The following ZFAND3 variants were observed in gnomAD, a reference collection of about 807,000 sequenced individuals.
ZFAND3 encodes zinc finger AN1-type containing 3.
In ZFAND3, 10 loss-of-function variants were observed where a neutral mutation model predicts 29.6. The ratio of observed to expected loss-of-function variants is 0.34; its 90% CI spans 0.21 to 0.57. The LOEUF is 0.57. Among genes scored for constraint, ZFAND3 ranks in the 20% least tolerant of loss-of-function variants. The pLI, the probability that ZFAND3 is intolerant of heterozygous loss-of-function variation, is 0.86. For missense variants in ZFAND3, 230 were observed against 304.5 expected (o/e 0.76, Z 1.82); for synonymous variants, 128 against 112.6 (o/e 1.14, Z -0.87).
At chr6:38,108,340 A>G (rs1765247874) in intron 4 of ZFAND3, among the ~76,000 whole-genome samples, 1 of 152,192 alleles carries the variant, frequency 6.6e-6, no homozygotes, top group African/African-American at 2.4e-5. Context: ...TTTATTAGGG[A>G]GAATTGGCTC....
chr6:38,125,195 T>A (rs1765612232), intron 5 of ZFAND3, among the ~76,000 whole-genome samples: 1 of 152,220 alleles, frequency 6.6e-6, no homozygotes, highest in Non-Finnish European at 1.5e-5. Context: ...TACCTAAACA[T>A]AAGTATGCTA....
chr6:38,153,876 C>CT lies in ZFAND3; in HGVS notation c.*1488dup. 1 of 985,510 alleles carries CT rather than the reference C, an allele frequency of 1.0e-6. No homozygotes were observed. The highest frequency in any genetic ancestry group is 4.7e-5 in the South Asian group (1 of 21,290). 61.0% of individuals were successfully genotyped at this position (985,510 alleles called of 1,614,324 possible). A position where few individuals can be genotyped will look rare whatever the true frequency, so the allele number is the denominator to read the frequency against. ...CGTGGATCTGCCCACACATAGGCTA[C>CT]TGGAATAGTTTAACCCAGCAACTTT... is the stretch of plus-strand genomic sequence containing the variant. On this transcript the variant is annotated 3_prime_UTR_variant, in exon 6 of 6. Transcript: ENST00000287218.
chr6:37,875,678 C>G (rs1764779617), intron 1 of ZFAND3, among the ~76,000 whole-genome samples: 1 of 149,156 alleles, frequency 6.7e-6, no homozygotes, highest in African/African-American at 2.5e-5. Flanking sequence ...ATTGTGTTGT[C>G]AGGCTGGTCT....
At chr6:37,911,224 G>A (rs1027828551) in intron 1 of ZFAND3, among the ~76,000 whole-genome samples, 39 of 152,112 alleles carry the variant, frequency 2.6e-4, no homozygotes, top group Non-Finnish European at 7.4e-5. Context: ...TTTGGATCAT[G>A]GCCATCTAAC....
chr6:37,908,471 A>G (rs934984475), intron 1 of ZFAND3, among the ~76,000 whole-genome samples: 3 of 151,458 alleles, frequency 2.0e-5, no homozygotes, highest in Admixed American at 6.6e-5. Context: ...GTCATCTAGC[A>G]TTAGGTATAT....
At position 38,100,848 on chromosome 6, in the gene ZFAND3, C is replaced by T. The variant is rs188019793; in HGVS notation, c.362-15724C>T. Among the ~76,000 whole-genome samples, 933 of 152,312 alleles carry T rather than the reference C, an allele frequency of 6.1e-3. 6 individuals are homozygous for T. The highest frequency in any genetic ancestry group is 0.017 in the Middle Eastern group (5 of 294). ...TAACATTTTATCACATTGGCCTTAT[C>T]TCTCGCCCTCTTTGTGTCTGTCTGT... On this transcript the variant is annotated intron_variant, in intron 4 of 5. Transcript: ENST00000287218.
intron 2 of ZFAND3, among the ~76,000 whole-genome samples, chr6:37,943,949 A>G (rs1216211669): frequency 6.6e-6 from 1 of 152,210 alleles, no homozygotes; most frequent in African/African-American, 2.4e-5. Flanking sequence ...AGATGAGACT[A>G]GAAATAAATC....
At chr6:37,937,888 G>T (rs913906706) in intron 2 of ZFAND3, among the ~76,000 whole-genome samples, 1 of 152,164 alleles carries the variant, frequency 6.6e-6, no homozygotes, top group African/African-American at 2.4e-5. Context: ...TAACCATTAT[G>T]TGTCTGTTGG....
At chr6:37,886,423 A>C (rs186529256) in intron 1 of ZFAND3, among the ~76,000 whole-genome samples, 1 of 152,162 alleles carries the variant, frequency 6.6e-6, no homozygotes, top group Admixed American at 6.5e-5. Flanking sequence ...CTGTCTGTAC[A>C]ATTAGGAATT....
chr6:37,968,574 C>G (rs1762331922), intron 2 of ZFAND3, among the ~76,000 whole-genome samples: 1 of 152,104 alleles, frequency 6.6e-6, no homozygotes, highest in African/African-American at 2.4e-5. Context: ...GGCTTTAAAT[C>G]TTTTCAGAGT....
chr6:38,081,776 G>A (rs1764666621), intron 3 of ZFAND3, among the ~76,000 whole-genome samples: 1 of 151,806 alleles, frequency 6.6e-6, no homozygotes, highest in South Asian at 2.1e-4. Context: ...TTATGCTTAT[G>A]CATCAGATCT....
chr6:37,967,798 C>G (rs1231834062), intron 2 of ZFAND3, among the ~76,000 whole-genome samples: 1 of 152,132 alleles, frequency 6.6e-6, no homozygotes, highest in Non-Finnish European at 1.5e-5. Context: ...ACTATTTTCT[C>G]CCCTTCATGG....
rs142465087 is a variant in ZFAND3, at chr6:38,124,668, G to A, written c.529+7929G>A. On this transcript the variant is annotated intron_variant, in intron 5 of 5. Coordinates refer to ENST00000287218, the MANE Select transcript of ZFAND3 (RefSeq NM_021943.3). ...GAACTCTAGCTGGCCCATAAGCGCC[G>A]CGCGCAGCCCAGGTTCCTGCCCGCA... Among the ~76,000 whole-genome samples, 716 of 152,162 alleles carry A rather than the reference G, an allele frequency of 4.7e-3. 4 individuals are homozygous for A. The highest frequency in any genetic ancestry group is 0.016 in the African/African-American group (650 of 41,486).
At chr6:38,049,950 T>TA (rs775149707) in intron 2 of ZFAND3, among the ~76,000 whole-genome samples, 2,006 of 25,472 alleles carry the variant, frequency 0.079, 204 homozygotes, top group East Asian at 0.58. Context: ...AATTAATTTT[T>TA]TTTTTTTTTT....
At chr6:38,135,556 C>T (rs1296773532) in intron 5 of ZFAND3, among the ~76,000 whole-genome samples, 1 of 152,084 alleles carries the variant, frequency 6.6e-6, no homozygotes, top group African/African-American at 2.4e-5. Flanking sequence ...ACAAACCTGA[C>T]CAATATGGTG....
intron 1 of ZFAND3, among the ~76,000 whole-genome samples, chr6:37,913,952 T>C (rs1437370419): frequency 2.0e-5 from 3 of 152,030 alleles, no homozygotes; most frequent in Non-Finnish European, 4.4e-5. Context: ...CTTGAACTCC[T>C]GACCTCAGGT....
At chr6:38,117,256 C>CTTTTTTT (rs35684874) in intron 5 of ZFAND3, among the ~76,000 whole-genome samples, 5 of 96,344 alleles carry the variant, frequency 5.2e-5, no homozygotes, top group Non-Finnish European at 7.9e-5. Flanking sequence ...TTGAAATAGC[C>CTTTTTTT]TTTTTTTTTT....
intron 3 of ZFAND3, among the ~76,000 whole-genome samples, chr6:38,067,088 C>G (rs1489531075): frequency 6.6e-6 from 1 of 152,180 alleles, no homozygotes; most frequent in Non-Finnish European, 1.5e-5. Flanking sequence ...TGCTAAGTAC[C>G]AGGCACTGTT....
chr6:37,943,496 A>G (rs892747221), intron 2 of ZFAND3, among the ~76,000 whole-genome samples: 20 of 152,164 alleles, frequency 1.3e-4, no homozygotes, highest in African/African-American at 4.8e-4. Context: ...CATATGTTTT[A>G]GGATCCAGTA....
Sources: allele counts gnomAD v4.1 joint callset (sites outside exome capture counted in the v4.1 genomes callset), GRCh38; gene constraint gnomAD v4.1.1; transcripts MANE v1.5; gene names NCBI Gene and HGNC (gene_info 2026-07-23, HGNC 2026-07-21).